CTNND2: variants seen among roughly 807,000 people sequenced by gnomAD.
CTNND2 encodes catenin delta 2.
In CTNND2, 22 loss-of-function variants were observed where a neutral mutation model predicts 144.4. The observed-to-expected ratio is 0.15, with a 90% CI of 0.11 to 0.22. CTNND2 has a LOEUF of 0.22. CTNND2 is among the 10% of genes least tolerant of loss of function. The pLI is 1.00. For missense variants in CTNND2, 1,353 were observed against 1,618.8 expected, an observed-to-expected ratio of 0.84 and a Z score of 2.82; for synonymous variants, 751 against 695.6, an observed-to-expected ratio of 1.08 and a Z score of -1.25.
intron 14 of CTNND2, among the ~76,000 whole-genome samples, chr5:11,103,954 G>GT (rs1210917026): frequency 6.6e-6 from 1 of 152,200 alleles, no homozygotes; most frequent in African/African-American, 2.4e-5. Context: ...GGAGTATGGA[G>GT]AAGGATTTCC....
In CTNND2 at chr5:11,052,675, T is replaced by C. The variant is rs146163054; in HGVS notation, c.2789-29696A>G. 1.9e-3 allele frequency among the ~76,000 whole-genome samples: 289 copies of C among 152,284 alleles called. 1 individual carries two copies. Among genetic ancestry groups the C allele is most frequent in the Non-Finnish European group, 3.5e-3 (236 of 68,020 alleles). On this transcript the variant is annotated intron_variant, in intron 16 of 21. Transcript: ENST00000304623. ...GCACTGCCAAAGCTCCCTTGAGTGCTGTCCCCCTTACCACAGTAAGAAATA... is the reference window on the plus strand; with the variant it reads ...GCACTGCCAAAGCTCCCTTGAGTGCCGTCCCCCTTACCACAGTAAGAAATA...
At chr5:11,160,059 T>G (rs1042392236) in intron 11 of CTNND2, among the ~76,000 whole-genome samples, 10 of 152,236 alleles carry the variant, frequency 6.6e-5, no homozygotes, top group Non-Finnish European at 1.5e-4. Flanking sequence ...TGTTCCATTT[T>G]AATACAATGG....
intron 11 of CTNND2, among the ~76,000 whole-genome samples, chr5:11,178,578 C>T (rs371066208): frequency 6.6e-6 from 1 of 152,038 alleles, no homozygotes; most frequent in Non-Finnish European, 1.5e-5. Flanking sequence ...ATTAACAATG[C>T]GTCATAATGG....
rs77598539 is a variant in CTNND2 at position 11,274,302 on chromosome 5, C to T, written c.1629-37479G>A. Among the ~76,000 whole-genome samples the T allele has an allele frequency of 3.7e-3, 560 of 152,308 alleles. 3 individuals are homozygous for T. Among genetic ancestry groups the T allele is most frequent in the African/African-American group, 0.013 (529 of 41,576 alleles). On this transcript the variant is annotated intron_variant, in intron 9 of 21. Coordinates refer to ENST00000304623, the MANE Select transcript of CTNND2 (RefSeq NM_001332.4). ...CTTAAAGACTTTGGGCTTAAGAATG[C>T]ATAGAGGTTTCTATGACTGCTTTGG... is the stretch of plus-strand genomic sequence containing the variant.
intron 2 of CTNND2, among the ~76,000 whole-genome samples, chr5:11,570,119 G>A (rs1039238476): frequency 6.6e-6 from 1 of 152,006 alleles, no homozygotes; most frequent in African/African-American, 2.4e-5. Flanking sequence ...GTTGTCTATG[G>A]ACTTATCAAA....
chr5:11,705,664 CAT>C (rs1785658113), intron 2 of CTNND2, among the ~76,000 whole-genome samples: 4 of 152,178 alleles, frequency 2.6e-5, no homozygotes, highest in Admixed American at 2.6e-4. Flanking sequence ...AGAGAGTGAA[CAT>C]CCCTTCAGGG....
intron 6 of CTNND2, 137 bp from the exon 7 acceptor site, chr5:11,385,366 C>T (rs1448533703): frequency 4.4e-6 from 2 of 450,632 alleles, no homozygotes; most frequent in Middle Eastern, 1.0e-3. Flanking sequence ...CCCAGCTGCG[C>T]TCGGGGCAGT....
rs191832018 is a variant in CTNND2 at position 11,878,657 on chromosome 5, C to T, written c.37+25160G>A. On this transcript the variant is annotated intron_variant, in intron 1 of 21. Coordinates refer to ENST00000304623, the MANE Select transcript of CTNND2 (RefSeq NM_001332.4). Reference sequence around the variant, plus strand: ...TGTAAGATCCACTGACCGTGAAATTCGGTGTCTACACCTTTTCAGGTTATT... The same window carrying T: ...TGTAAGATCCACTGACCGTGAAATTTGGTGTCTACACCTTTTCAGGTTATT... 9.8e-5 allele frequency among the ~76,000 whole-genome samples: 15 copies of T among 152,294 alleles called. No individual in the cohort carries two copies. In the East Asian group the frequency reaches 2.7e-3, roughly 27 times the overall value.
intron 18 of CTNND2, among the ~76,000 whole-genome samples, chr5:11,000,822 C>T (rs1739879208): frequency 6.6e-6 from 1 of 152,052 alleles, no homozygotes; most frequent in South Asian, 2.1e-4. Context: ...AATGCCTGGG[C>T]CCCAGCCCTG....
At chr5:11,794,341 A>G (rs976219228) in intron 1 of CTNND2, among the ~76,000 whole-genome samples, 1 of 152,222 alleles carries the variant, frequency 6.6e-6, no homozygotes, top group African/African-American at 2.4e-5. Flanking sequence ...ATCTAAACTT[A>G]GAAAAAATGG....
intron 3 of CTNND2, among the ~76,000 whole-genome samples, chr5:11,474,583 G>C (rs1026040013): frequency 1.2e-4 from 19 of 152,208 alleles, no homozygotes; most frequent in African/African-American, 4.3e-4. Context: ...AAATCAGAAA[G>C]AGGGCACCAA....
intron 9 of CTNND2, among the ~76,000 whole-genome samples, chr5:11,330,245 G>A (rs535636405): frequency 1.4e-4 from 21 of 150,628 alleles, no homozygotes; most frequent in African/African-American, 4.9e-4. Flanking sequence ...GCTGAGGCGG[G>A]CGGATCACGA....
intron 6 of CTNND2, among the ~76,000 whole-genome samples, chr5:11,389,961 G>T (rs377456324): frequency 8.0e-4 from 122 of 152,228 alleles, no homozygotes; most frequent in Admixed American, 1.7e-3. Context: ...TCTTTAGACT[G>T]GGGGGGAGTC....
chr5:11,536,509 A>T (rs1774229158), intron 3 of CTNND2, among the ~76,000 whole-genome samples: 1 of 152,238 alleles, frequency 6.6e-6, no homozygotes, highest in South Asian at 2.1e-4. Context: ...GATAAAGAAA[A>T]TGTGGTATAT....
intron 1 of CTNND2, among the ~76,000 whole-genome samples, chr5:11,818,356 G>A (rs555919177): frequency 6.6e-6 from 1 of 151,952 alleles, no homozygotes; most frequent in African/African-American, 2.4e-5. Flanking sequence ...CAAGCAGCCT[G>A]GCTCCTGTAT....
intron 9 of CTNND2, among the ~76,000 whole-genome samples, chr5:11,262,659 G>C (rs917688886): frequency 1.3e-4 from 20 of 149,420 alleles, no homozygotes; most frequent in African/African-American, 4.7e-4. Flanking sequence ...CTACTCGGGA[G>C]GCTGAAGCAG....
intron 11 of CTNND2, among the ~76,000 whole-genome samples, chr5:11,165,036 T>G (rs1436835158): frequency 6.6e-6 from 1 of 152,210 alleles, no homozygotes. Context: ...TCTTATAGGA[T>G]GCCATGTGCT....
At chr5:11,335,382 T>C (rs574636791) in intron 9 of CTNND2, among the ~76,000 whole-genome samples, 1 of 152,294 alleles carries the variant, frequency 6.6e-6, no homozygotes, top group South Asian at 2.1e-4. Context: ...AATAAATATT[T>C]TGAATGCTCC....
At chr5:11,116,089 T>C (rs1399869727) in intron 13 of CTNND2, among the ~76,000 whole-genome samples, 1 of 152,230 alleles carries the variant, frequency 6.6e-6, no homozygotes, top group Non-Finnish European at 1.5e-5. Context: ...CTTTTAAAGG[T>C]ACACAAACTT....
Sources: gnomAD v4.1 joint callset for allele counts (sites outside exome capture counted in the v4.1 genomes callset) on GRCh38, gnomAD v4.1.1 for gene constraint, MANE v1.5 for transcripts, NCBI Gene and HGNC (gene_info 2026-07-23, HGNC 2026-07-21) for gene names.